FXR1: variants seen among roughly 807,000 people sequenced by gnomAD.
FXR1 encodes the protein FMR1 autosomal homolog 1, also known as RNA-binding protein FXR1.
A neutral mutation model predicts 84.0 loss-of-function variants in FXR1; 15 were observed. That is an observed-to-expected ratio of 0.18 (90% CI 0.12 to 0.27). FXR1 has a LOEUF of 0.27. FXR1 is among the 10% of genes least tolerant of loss of function. The pLI is 1.00. For missense variants in FXR1, 480 were observed against 774.4 expected, an observed-to-expected ratio of 0.62 and a Z score of 4.51; for synonymous variants, 245 against 250.7, an observed-to-expected ratio of 0.98 and a Z score of 0.21.
At chr3:180,965,692 C>T (rs904984245) in intron 13 of FXR1, among the ~76,000 whole-genome samples, 9 of 152,154 alleles carry the variant, frequency 5.9e-5, no homozygotes, top group African/African-American at 1.4e-4. Context: ...GGTCCTTAAC[C>T]TTAGTCACAT....
intron 13 of FXR1, among the ~76,000 whole-genome samples, chr3:180,966,962 C>A (rs1222553353): frequency 6.6e-6 from 1 of 152,112 alleles, no homozygotes; most frequent in African/African-American, 2.4e-5. Context: ...CTGATTATAT[C>A]TTTGTGGTGT....
chr3:180,965,267 C>T (rs1260975075), intron 13 of FXR1, among the ~76,000 whole-genome samples: 1 of 152,008 alleles, frequency 6.6e-6, no homozygotes, highest in Non-Finnish European at 1.5e-5. Flanking sequence ...CTGTCTACCT[C>T]GCCTCCCAAA....
At position 180,978,939 on chromosome 3, in the gene FXR1, G is replaced by A. The variant is rs535171453; in HGVS notation, c.*2647G>A. Reference sequence around the variant, plus strand: ...CAACTTGTGCAAAATGGTGTCTCTGGTAACACTTCAGAAATAATTGGCAAA... The same window carrying A: ...CAACTTGTGCAAAATGGTGTCTCTGATAACACTTCAGAAATAATTGGCAAA... On this transcript the variant is annotated 3_prime_UTR_variant, in exon 17 of 17. Transcript: ENST00000357559. The A allele has an allele frequency of 6.6e-6, 1 of 152,122 alleles. No homozygotes were observed. Among genetic ancestry groups the A allele is most frequent in the East Asian group, 1.9e-4 (1 of 5,176 alleles). 9.4% of individuals were successfully genotyped at this position (152,122 alleles called of 1,614,324 possible). A position where few individuals can be genotyped will look rare whatever the true frequency, so the allele number is the denominator to read the frequency against.
In FXR1 at chr3:180,981,379, A is replaced by C. The variant is rs1194795961; in HGVS notation, c.*5087A>C. 1 of 152,032 alleles carries C rather than the reference A, an allele frequency of 6.6e-6. No individual in the cohort carries two copies. The highest frequency in any genetic ancestry group is 2.4e-5 in the African/African-American group (1 of 41,428). 9.4% of individuals were successfully genotyped at this position (152,032 alleles called of 1,614,324 possible). On this transcript the variant is annotated 3_prime_UTR_variant, in exon 17 of 17. Coordinates refer to ENST00000357559, the MANE Select transcript of FXR1 (RefSeq NM_005087.4). Reference sequence around the variant, plus strand: ...GGTTTTCCATTTAAATGTTTCCGTAAGTACTCTCATCATTTGGAAAATACT... The same window carrying C: ...GGTTTTCCATTTAAATGTTTCCGTACGTACTCTCATCATTTGGAAAATACT...
chr3:180,963,501 G>T (rs1481424593), intron 13 of FXR1, among the ~76,000 whole-genome samples: 1 of 152,084 alleles, frequency 6.6e-6, no homozygotes, highest in African/African-American at 2.4e-5. Flanking sequence ...AATGAAAAGT[G>T]TGCGAATCAC....
At chr3:180,915,424 A>G in intron 1 of FXR1, 1 of 907,658 alleles carries the variant, frequency 1.1e-6, no homozygotes, top group Non-Finnish European at 1.7e-6. Context: ...ATAGAATCGT[A>G]CACTATATTG....
Position 180,968,243 on chromosome 3 carries a change from C to T in FXR1, c.1391C>T (p.Ser464Phe), listed in dbSNP as rs1291906815. The T allele has an allele frequency of 6.2e-7, 1 of 1,600,138 alleles. No individual in the cohort carries two copies. Among genetic ancestry groups the T allele is most frequent in the Non-Finnish European group, 8.6e-7 (1 of 1,167,568 alleles). ...GRGGPRGGKS[S>F]ISSVLKDPDS... is the part of the protein sequence containing the mutation. ...GGTGGACCACGTGGTGGCAAATCCTCCATCAGTTCTGGTAGTCTTTTCTAT... is the reference window on the plus strand; with the variant it reads ...GGTGGACCACGTGGTGGCAAATCCTTCATCAGTTCTGGTAGTCTTTTCTAT... Residue 464 changes from serine (S) to phenylalanine (F), a missense_variant, in exon 14 of 17, where the codon TCC becomes TTC. Physicochemically the swap from Ser to Phe is radical, Grantham distance 155 (BLOSUM62 -2). Around this residue, in one of 6 missense-constraint regions of FXR1, gnomAD observed 157 missense variants for 227.8 expected, o/e 0.69. Transcript: ENST00000357559.
chr3:180,926,502 A>ATTT (rs200360717), intron 1 of FXR1, among the ~76,000 whole-genome samples: 809 of 48,858 alleles, frequency 0.017, 16 homozygotes, highest in African/African-American at 0.072. Flanking sequence ...ATATATATAT[A>ATTT]TATATTTTTT....
intron 1 of FXR1, among the ~76,000 whole-genome samples, chr3:180,925,592 G>GTT (rs1237381824): frequency 6.6e-6 from 1 of 152,184 alleles, no homozygotes; most frequent in African/African-American, 2.4e-5. Context: ...AGCAAACCAA[G>GTT]TTTGAGTACT....
chr3:180,934,686 T>G (rs1720324999), intron 2 of FXR1, among the ~76,000 whole-genome samples: 1 of 152,210 alleles, frequency 6.6e-6, no homozygotes, highest in African/African-American at 2.4e-5. Flanking sequence ...ACAGTTTATA[T>G]TGTTTTGTAA....
chr3:180,918,837 C>A (rs1179625721), intron 1 of FXR1, among the ~76,000 whole-genome samples: 1 of 152,170 alleles, frequency 6.6e-6, no homozygotes, highest in Non-Finnish European at 1.5e-5. Flanking sequence ...GTGCCTTACT[C>A]GAATTTCCCA....
chr3:180,941,836 A>G (rs957228952), intron 3 of FXR1, among the ~76,000 whole-genome samples: 6 of 152,196 alleles, frequency 3.9e-5, no homozygotes, highest in African/African-American at 1.4e-4. Flanking sequence ...ATACATGTTC[A>G]TTCCAGATGT....
At chr3:180,949,125 G>A (rs981303467) in intron 6 of FXR1, 102 bp from the exon 7 acceptor site, 2 of 758,604 alleles carry the variant, frequency 2.6e-6, no homozygotes, top group South Asian at 2.9e-5. Context: ...AAGAAGTGTA[G>A]TAGATGAGAA....
intron 3 of FXR1, among the ~76,000 whole-genome samples, chr3:180,941,441 C>A (rs74347049): frequency 0.029 from 4,424 of 152,182 alleles, 217 homozygotes; most frequent in African/African-American, 0.1. Context: ...AGTCACCCAC[C>A]TCAGCCTCCC....
Position 180,962,904 on chromosome 3 carries a change from G to C in FXR1, c.1099G>C (p.Glu367Gln), listed in dbSNP as rs1180774940. 1 of 1,611,276 alleles carries C rather than the reference G, an allele frequency of 6.2e-7. No individual in the cohort carries two copies. The highest frequency in any genetic ancestry group is 8.5e-7 in the Non-Finnish European group (1 of 1,177,680). The change falls in exon 12 of 17, where the codon GAA (glutamate) becomes CAA (glutamine). Residue 367 changes from glutamate (E) to glutamine (Q), a missense_variant. Physicochemically the swap from Glu to Gln is conservative, Grantham distance 29 (BLOSUM62 2). This residue lies in a region of FXR1 where 6 missense variants were observed against 32.8 expected (regional missense o/e 0.18). Transcript: ENST00000357559. Reference protein sequence around the residue: ...YLKEVEQLRMERLQIDEQLRQ... With the variant: ...YLKEVEQLRMQRLQIDEQLRQ... ...GTAGGAAGTAGAACAGCTAAGAATG[G>C]AACGCCTACAGATTGATGAACAGCT...
At chr3:180,923,824 C>A (rs1221048567) in intron 1 of FXR1, among the ~76,000 whole-genome samples, 3 of 152,126 alleles carry the variant, frequency 2.0e-5, no homozygotes, top group Admixed American at 6.5e-5. Context: ...CTACTAGGCT[C>A]AAGTGATCTT....
intron 7 of FXR1, among the ~76,000 whole-genome samples, chr3:180,950,254 C>A (rs1394953263): frequency 2.6e-5 from 4 of 152,122 alleles, no homozygotes; most frequent in South Asian, 2.1e-4. Flanking sequence ...ATCCTTAGGA[C>A]AAATTTGGAA....
chr3:180,942,308 G>T (rs1438723582), intron 3 of FXR1, among the ~76,000 whole-genome samples: 8 of 149,426 alleles, frequency 5.4e-5, no homozygotes, highest in African/African-American at 2.0e-4. Flanking sequence ...AACCCCGGAG[G>T]TGGAGCTCGC....
chr3:180,940,580 GTTTTC>G (rs1721012448), intron 3 of FXR1, among the ~76,000 whole-genome samples: 1 of 146,114 alleles, frequency 6.8e-6, no homozygotes, highest in South Asian at 2.1e-4. Context: ...GTTTTTTTCT[GTTTTC>G]TTTTTTTTTT....
Sources: allele counts gnomAD v4.1 joint callset (sites outside exome capture counted in the v4.1 genomes callset), GRCh38; gene constraint gnomAD v4.1.1; regional missense constraint gnomAD v4.1.1; transcripts MANE v1.5; gene names NCBI Gene and HGNC (gene_info 2026-07-23, HGNC 2026-07-21).